The following NCOR2 variants were observed in gnomAD, a reference collection of about 807,000 sequenced individuals.
NCOR2 encodes CTG repeat protein 26.
Under a neutral mutation model 262.9 loss-of-function variants are expected in NCOR2, and 81 were observed. The observed-to-expected ratio is 0.31, with a 90% CI of 0.26 to 0.37. The LOEUF (loss-of-function observed/expected upper bound fraction) is 0.37. NCOR2 is among the 10% of genes least tolerant of loss of function. The pLI is 1.00. For synonymous variants in NCOR2, 1,659 were observed against 1,559.3 expected (o/e 1.06, Z -1.51); for missense variants, 3,385 against 3,621.4 (o/e 0.93, Z 1.68).
At chr12:124,468,788 A>C (rs1593691389) in intron 4 of NCOR2, among the ~76,000 whole-genome samples, 2 of 21,778 alleles carry the variant, frequency 9.2e-5, no homozygotes, top group Admixed American at 9.9e-4. Context: ...CATCCTCATC[A>C]CCCTCATCAT....
intron 1 of NCOR2, among the ~76,000 whole-genome samples, chr12:124,565,958 G>C (rs1055181771): frequency 2.6e-5 from 4 of 152,050 alleles, no homozygotes; most frequent in African/African-American, 9.7e-5. Context: ...GCCTGCCCCG[G>C]GTCGCCCTCC....
intron 1 of NCOR2, among the ~76,000 whole-genome samples, chr12:124,521,156 C>A (rs1053290893): frequency 2.6e-5 from 4 of 152,196 alleles, no homozygotes; most frequent in Non-Finnish European, 5.9e-5. Flanking sequence ...GACCCACAGC[C>A]GCAGCTACGC....
chr12:124,390,944 C>T lies in NCOR2; in HGVS notation c.1877-5057G>A, dbSNP rs561618880. ...CGAGTGGAGAGCCAGGCGCAGGGGC[C>T]CGGCGGCCACGGGAGTGGGTGCTTG... On this transcript the variant is annotated intron_variant, in intron 16 of 46. Transcript: ENST00000405201. 2.6e-5 allele frequency among the ~76,000 whole-genome samples: 4 copies of T among 152,372 alleles called. No individual in the cohort carries two copies. In the South Asian group the frequency reaches 6.2e-4, roughly 24 times the overall value.
intron 20 of NCOR2, among the ~76,000 whole-genome samples, chr12:124,371,219 G>A (rs528228342): frequency 2.3e-3 from 116 of 51,342 alleles, no homozygotes; most frequent in African/African-American, 8.5e-3. Context: ...GCTGCCCCCC[G>A]TCCTGCCAGG....
chr12:124,521,384 TAG>T (rs2050178096), intron 1 of NCOR2, among the ~76,000 whole-genome samples: 2 of 152,182 alleles, frequency 1.3e-5, no homozygotes. Context: ...AAAAGCCACT[TAG>T]ATATCAAATG....
rs768218509 is a variant in NCOR2, at chr12:124,346,696, C to T, written c.4227G>A (p.Pro1409=). ...CCGTGGCCACCAGGCCCTCATGGGC[C>T]GGCTTCAGCTTCAGGGGGCCCAGGG... The change falls in exon 31 of 47, where the codon CCG becomes CCA. Residue 1409 remains proline, a synonymous_variant. Transcript: ENST00000405201. The T allele has an allele frequency of 1.5e-5, 24 of 1,572,078 alleles. No homozygotes were observed. The highest frequency in any genetic ancestry group is 1.7e-4 in the Middle Eastern group (1 of 5,942).
At chr12:124,450,678 C>T (rs1328760266) in intron 6 of NCOR2, among the ~76,000 whole-genome samples, 5 of 152,170 alleles carry the variant, frequency 3.3e-5, no homozygotes, top group African/African-American at 7.2e-5. Context: ...TACCAGGAGA[C>T]GCAGAAAGCA....
chr12:124,518,705 A>G (rs1393748983), intron 1 of NCOR2, among the ~76,000 whole-genome samples: 1 of 152,234 alleles, frequency 6.6e-6, no homozygotes, highest in African/African-American at 2.4e-5. Context: ...TCCAGCCGAC[A>G]CTCGGGAGCT....
chr12:124,347,190 G>A (rs181201898), intron 30 of NCOR2, among the ~76,000 whole-genome samples: 90 of 152,298 alleles, frequency 5.9e-4, no homozygotes, highest in Non-Finnish European at 1.1e-3. Context: ...GCAACATGGT[G>A]AAACCCCACC....
chr12:124,374,447 C>T (rs774662162), exon 19 of NCOR2: 1 of 1,612,764 alleles, frequency 6.2e-7, no homozygotes, highest in East Asian at 2.2e-5. Context: ...GCACCTCATT[C>T]CCAGAGGCAT....
intron 8 of NCOR2, 139 bp from the exon 11 acceptor site, chr12:124,430,926 T>A (rs1247884003): frequency 3.1e-6 from 3 of 980,928 alleles, no homozygotes; most frequent in Non-Finnish European, 4.4e-6. Flanking sequence ...ACATATACAG[T>A]CAGATACAGC....
At chr12:124,354,969 G>C (rs2037831367) in intron 24 of NCOR2, 30 bp from the exon 27 acceptor site, 2 of 1,590,912 alleles carry the variant, frequency 1.3e-6, no homozygotes, top group Non-Finnish European at 1.7e-6. Context: ...GGGTCACAGG[G>C]GCACCCTGGT....
chr12:124,417,726 C>A (rs1251311579), intron 13 of NCOR2, among the ~76,000 whole-genome samples: 1 of 152,198 alleles, frequency 6.6e-6, no homozygotes, highest in Non-Finnish European at 1.5e-5. Flanking sequence ...TACCTTTTTG[C>A]CTCTCAGTCT....
exon 4 of NCOR2, chr12:124,473,090 G>T (rs765638890): frequency 5.6e-6 from 9 of 1,612,682 alleles, no homozygotes; most frequent in Non-Finnish European, 6.8e-6. Context: ...GCGGGGGGCT[G>T]GGGGGAGACA....
chr12:124,505,338 C>T (rs1453390239), intron 1 of NCOR2, among the ~76,000 whole-genome samples: 1 of 152,210 alleles, frequency 6.6e-6, no homozygotes, highest in Admixed American at 6.5e-5. Context: ...ATGGACTCGG[C>T]CCCCTGTGCC....
chr12:124,537,616 A>G (rs941129862), upstream of NCOR2, among the ~76,000 whole-genome samples: 3 of 152,236 alleles, frequency 2.0e-5, no homozygotes, highest in Non-Finnish European at 4.4e-5. Flanking sequence ...AAGTGCCCTC[A>G]GTGCCAGTGT....
exon 4 of NCOR2, chr12:124,473,036 C>T (rs745811223): frequency 1.2e-6 from 2 of 1,614,152 alleles, no homozygotes; most frequent in Admixed American, 3.3e-5. Context: ...TCAGCTCCTC[C>T]TTGGACAGCC....
chr12:124,336,102 G>C (rs1253641911), intron 38 of NCOR2: 1 of 168,098 alleles, frequency 5.9e-6, no homozygotes, highest in Non-Finnish European at 1.3e-5. Flanking sequence ...GCCAAGGCAG[G>C]GGTCCAGAGG....
chr12:124,394,459 T>C (rs1333420766), intron 16 of NCOR2, among the ~76,000 whole-genome samples: 1 of 152,178 alleles, frequency 6.6e-6, no homozygotes, highest in Non-Finnish European at 1.5e-5. Flanking sequence ...CCCCCAACAT[T>C]TTGTGTCCAC....
Sources: gnomAD v4.1 joint callset for allele counts (sites outside exome capture counted in the v4.1 genomes callset) on GRCh38, gnomAD v4.1.1 for gene constraint, MANE v1.5 for transcripts, NCBI Gene and HGNC (gene_info 2026-07-23, HGNC 2026-07-21) for gene names.